MTSS2: variants seen among roughly 807,000 people sequenced by gnomAD.
MTSS2 encodes the protein protein MTSS 2.
MTSS2 carries 27 observed loss-of-function variants against 67.1 expected under a neutral mutation model. That is an observed-to-expected ratio of 0.40 (90% CI 0.30 to 0.55). MTSS2 has a LOEUF of 0.55. Ranked by LOEUF, MTSS2 falls within the 20% of genes least tolerant of loss-of-function variation. The pLI is 0.43. For missense variants in MTSS2, 1,171 were observed against 1,067.8 expected (o/e 1.10, Z -1.35); for synonymous variants, 624 against 468.6 (o/e 1.33, Z -4.28).
chr16:70,665,044 C>A lies in MTSS2; in HGVS notation c.1181G>T (p.Arg394Leu). The A allele has an allele frequency of 6.3e-7, 1 of 1,597,594 alleles. No individual in the cohort carries two copies. The highest frequency in any genetic ancestry group is 8.5e-7 in the Non-Finnish European group (1 of 1,179,642). The change falls in exon 13 of 15, where the codon CGG becomes CTG. Residue 394 changes from arginine (R) to leucine (L), a missense_variant. Physicochemically the swap from Arg to Leu is moderately radical, Grantham distance 102. Coordinates refer to ENST00000338779, the MANE Select transcript of MTSS2 (RefSeq NM_138383.3). ...CAGGAGCTCCACTCGGTCCTTCCTCCGCTGCAGAGTGGCGCCTGAGGGCTG... is the reference window on the plus strand; with the variant it reads ...CAGGAGCTCCACTCGGTCCTTCCTCAGCTGCAGAGTGGCGCCTGAGGGCTG... ...HEQPSGATLQ[R>L]RKDRVELLRD...
chr16:70,678,946 G>A (rs1390524310), intron 7 of MTSS2, among the ~76,000 whole-genome samples: 2 of 152,222 alleles, frequency 1.3e-5, no homozygotes, highest in African/African-American at 2.4e-5. Flanking sequence ...GACACAAGAA[G>A]CAGCAAGAAA....
At chr16:70,677,047 C>G (rs61095688) in intron 9 of MTSS2, 69 bp from the exon 10 acceptor site, 120,942 of 1,192,578 alleles carry the variant, frequency 0.1, 8,213 homozygotes, top group African/African-American at 0.29. Flanking sequence ...GAGGCCCCCC[C>G]CCACTCTCTA....
chr16:70,667,131 T>C (rs2052743552), intron 11 of MTSS2, among the ~76,000 whole-genome samples: 1 of 151,762 alleles, frequency 6.6e-6, no homozygotes, highest in South Asian at 2.1e-4. Flanking sequence ...GTTAGCCAGG[T>C]GTGGTGGCAC....
chr16:70,685,968 G>T lies in MTSS2; in HGVS notation c.-177C>A. ...CCGGGGTCGCGGGCCTCCGGCGGGCGGCGCGGGCCATGTCGCAGCGGGGCT... is the reference window on the plus strand; with the variant it reads ...CCGGGGTCGCGGGCCTCCGGCGGGCTGCGCGGGCCATGTCGCAGCGGGGCT... On this transcript the variant is annotated 5_prime_UTR_variant, in exon 1 of 15. Coordinates refer to ENST00000338779, the MANE Select transcript of MTSS2 (RefSeq NM_138383.3). 6.3e-6 allele frequency: 1 copy of T among 158,422 alleles called. No individual in the cohort carries two copies. Among genetic ancestry groups the T allele is most frequent in the South Asian group, 1.8e-4 (1 of 5,642 alleles). The allele number at this position is 158,422 out of a possible 1,614,324, so 9.8% of individuals were successfully genotyped here. A position where few individuals can be genotyped will look rare whatever the true frequency, so the allele number is the denominator to read the frequency against.
At chr16:70,673,907 G>A (rs1299377696) in intron 11 of MTSS2, among the ~76,000 whole-genome samples, 1 of 151,820 alleles carries the variant, frequency 6.6e-6, no homozygotes, top group Non-Finnish European at 1.5e-5. Context: ...TCCAGCAGAC[G>A]GGGAATAAGA....
chr16:70,680,365 G>A (rs917242225), intron 3 of MTSS2, among the ~76,000 whole-genome samples: 1 of 152,146 alleles, frequency 6.6e-6, no homozygotes, highest in Non-Finnish European at 1.5e-5. Context: ...ATGCAGGTGC[G>A]GGAGTGTGAG....
At position 70,664,903 on chromosome 16, in the gene MTSS2, G is replaced by A. The variant is rs1310862453; in HGVS notation, c.1305+17C>T. 3 of 1,531,706 alleles carry A rather than the reference G, an allele frequency of 2.0e-6. No individual in the cohort carries two copies. Among genetic ancestry groups the A allele is most frequent in the East Asian group, 2.4e-5 (1 of 41,354 alleles). 94.9% of individuals were successfully genotyped at this position (1,531,706 alleles called of 1,614,324 possible). A position where few individuals can be genotyped will look rare whatever the true frequency, so the allele number is the denominator to read the frequency against. ...TGGGACTGACCTGGGCGTGAAGGGGGGCCCTGGCCAGCCTACCTTGGCTGC... is the reference window on the plus strand; with the variant it reads ...TGGGACTGACCTGGGCGTGAAGGGGAGCCCTGGCCAGCCTACCTTGGCTGC... On this transcript the variant is annotated intron_variant, in intron 13 of 14. Coordinates refer to ENST00000338779, the MANE Select transcript of MTSS2 (RefSeq NM_138383.3).
chr16:70,663,978 G>T lies in MTSS2; in HGVS notation c.1943C>A (p.Pro648Gln). Residue 648 changes from proline (P) to glutamine (Q), a missense_variant, in exon 15 of 15, where the codon CCA becomes CAA. This residue lies in a region of MTSS2 where 924 missense variants were observed against 756.0 expected (regional missense o/e 1.22). Coordinates refer to ENST00000338779, the MANE Select transcript of MTSS2 (RefSeq NM_138383.3). Reference sequence around the variant, plus strand: ...GGGGTACCCGGCTGCCTCTGGGGATGGGCTGCCCCAGGCTGTGTTGGGCAG... The same window carrying T: ...GGGGTACCCGGCTGCCTCTGGGGATTGGCTGCCCCAGGCTGTGTTGGGCAG... The part of the protein sequence containing the change: ...LSLPNTAWGS[P>Q]SPEAAGYPGA... 6.3e-7 allele frequency: 1 copy of T among 1,580,994 alleles called. No homozygotes were observed. The highest frequency in any genetic ancestry group is 2.3e-5 in the East Asian group (1 of 43,418).
intron 2 of MTSS2, 46 bp downstream of exon 2, chr16:70,680,918 G>GGGGGGGGGGGGGGGCCC: frequency 9.1e-7 from 1 of 1,097,872 alleles, no homozygotes; most frequent in Non-Finnish European, 1.3e-6. Context: ...CGGGGGGGGG[G>GGGGGGGGGGGGGGGCCC]CCTCTGCCTG....
In MTSS2 at chr16:70,676,996, T is replaced by TG. The variant is rs747630882; in HGVS notation, c.733-19dup. 2.5e-6 allele frequency: 4 copies of TG among 1,597,844 alleles called. No individual in the cohort carries two copies. Among genetic ancestry groups the TG allele is most frequent in the South Asian group, 2.2e-5 (2 of 90,194 alleles). On this transcript the variant is annotated intron_variant, in intron 9 of 14. Coordinates refer to ENST00000338779, the MANE Select transcript of MTSS2 (RefSeq NM_138383.3). ...TTGATTACCTGGACAGGGACATGGA[T>TG]GGGGGTCACTGGAGGCAGCTCCTCA...
chr16:70,683,908 G>C (rs1034870556), intron 1 of MTSS2, among the ~76,000 whole-genome samples: 6 of 152,348 alleles, frequency 3.9e-5, no homozygotes, highest in African/African-American at 1.4e-4. Context: ...CTGAACACAT[G>C]CCTGTGTCAT....
chr16:70,674,674 C>A, intron 10 of MTSS2, 146 bp from the exon 11 acceptor site: 1 of 716,174 alleles, frequency 1.4e-6, no homozygotes, highest in Non-Finnish European at 2.3e-6. Context: ...TCCTGAGACC[C>A]AGGTGCTACA....
intron 8 of MTSS2, 68 bp downstream of exon 8, chr16:70,678,184 T>C: frequency 6.6e-7 from 1 of 1,524,100 alleles, no homozygotes; most frequent in South Asian, 1.3e-5. Context: ...GTGACCCTTC[T>C]TGGAGGTCAG....
At position 70,668,516 on chromosome 16, in the gene MTSS2, GA is replaced by G. The variant is rs1160696099; in HGVS notation, c.1054-2977del. On this transcript the variant is annotated intron_variant, in intron 11 of 14. Coordinates refer to ENST00000338779, the MANE Select transcript of MTSS2 (RefSeq NM_138383.3). ...CAAGTAGGACAGAGTGCCAAGTCCA[GA>G]AATAGCCACACACCTACAGACACCT... Among the ~76,000 whole-genome samples the G allele has an allele frequency of 2.6e-5, 4 of 152,276 alleles. No individual in the cohort carries two copies. The East Asian group carries it at 7.7e-4, about 29-fold the overall frequency.
chr16:70,682,834 T>C (rs1164520619), intron 1 of MTSS2, among the ~76,000 whole-genome samples: 1 of 152,086 alleles, frequency 6.6e-6, no homozygotes, highest in Admixed American at 6.5e-5. Context: ...CAGGTAAACC[T>C]TCCCCACAGC....
At chr16:70,664,535 G>C (rs760102698) in intron 14 of MTSS2, 63 bp downstream of exon 14, 101 of 1,583,376 alleles carry the variant, frequency 6.4e-5, no homozygotes, top group Non-Finnish European at 7.5e-5. Context: ...GGGGAAGGAC[G>C]GGGCCCTCCT....
Position 70,679,298 on chromosome 16 carries a change from A to C in MTSS2, c.466+17T>G. 1 of 1,613,872 alleles carries C rather than the reference A, an allele frequency of 6.2e-7. No individual in the cohort carries two copies. The highest frequency in any genetic ancestry group is 2.2e-5 in the East Asian group (1 of 44,858). ...AAGGACGGGAGGAGCAGCTGGAGGGACCGACATTTGACTTACCAAGTAGCT... is the reference window on the plus strand; with the variant it reads ...AAGGACGGGAGGAGCAGCTGGAGGGCCCGACATTTGACTTACCAAGTAGCT... On this transcript the variant is annotated intron_variant, in intron 7 of 14. Transcript: ENST00000338779.
rs771528111 is a variant in MTSS2, at chr16:70,664,486, G to A, written c.1472-37C>T. 9 of 1,542,884 alleles carry A rather than the reference G, an allele frequency of 5.8e-6. No homozygotes were observed. In the East Asian group the frequency reaches 9.1e-5, roughly 16 times the overall value. On this transcript the variant is annotated intron_variant, in intron 14 of 14. Transcript: ENST00000338779. Reference sequence around the variant, plus strand: ...GGACACAGTGAGGCCCAGGGCCCAGGTGGCCCCTTGCCCCCAGCCCACCAG... The same window carrying A: ...GGACACAGTGAGGCCCAGGGCCCAGATGGCCCCTTGCCCCCAGCCCACCAG...
In MTSS2 at chr16:70,664,668, C is replaced by T; in HGVS notation, c.1401G>A (p.Leu467=). 1.2e-6 allele frequency: 2 copies of T among 1,613,400 alleles called. No homozygotes were observed. The highest frequency in any genetic ancestry group is 1.7e-6 in the Non-Finnish European group (2 of 1,179,914). ...GCGTGCTGTAGCCGCTGGAGTACTG[C>T]AGCGAGTCCCGGCTGCTCTTCTGGT... ...LEHQKSSRDS[L]QYSSGYSTQT... is the part of the protein sequence containing the mutation. Residue 467 remains leucine (L), a synonymous_variant, in exon 14 of 15, where the codon CTG becomes CTA. Coordinates refer to ENST00000338779, the MANE Select transcript of MTSS2 (RefSeq NM_138383.3).
Sources: gnomAD v4.1 joint callset for allele counts (sites outside exome capture counted in the v4.1 genomes callset) on GRCh38, gnomAD v4.1.1 for gene constraint, gnomAD v4.1.1 regional missense constraint, MANE v1.5 for transcripts, NCBI Gene and HGNC (gene_info 2026-07-23, HGNC 2026-07-21) for gene names.